KCNH1: variants seen among roughly 807,000 people sequenced by gnomAD.
KCNH1 encodes the protein voltage-gated delayed rectifier potassium channel KCNH1.
Under a neutral mutation model 69.2 loss-of-function variants are expected in KCNH1, and 27 were observed. That is an observed-to-expected ratio of 0.39 (90% CI 0.29 to 0.54). The LOEUF is 0.54. Ranked by LOEUF, KCNH1 falls within the 20% of genes least tolerant of loss-of-function variation. KCNH1 has a pLI of 0.68. For synonymous variants in KCNH1, 456 were observed against 487.7 expected (o/e 0.93, Z 0.86); for missense variants, 798 against 1,261.6 (o/e 0.63, Z 5.57).
chr1:210,793,729 C>T (rs867183708), intron 9 of KCNH1, among the ~76,000 whole-genome samples: 49 of 152,258 alleles, frequency 3.2e-4, no homozygotes, highest in African/African-American at 1.1e-3. Flanking sequence ...TGAGCTCTGG[C>T]GTTTTTTTCT....
chr1:211,079,138 A>T (rs1426853636), intron 5 of KCNH1, among the ~76,000 whole-genome samples: 1 of 152,196 alleles, frequency 6.6e-6, no homozygotes, highest in Non-Finnish European at 1.5e-5. Context: ...AGGGGTTATC[A>T]CCACCAATCC....
intron 9 of KCNH1, among the ~76,000 whole-genome samples, chr1:210,789,412 C>A (rs1227384074): frequency 6.6e-6 from 1 of 152,180 alleles, no homozygotes; most frequent in Non-Finnish European, 1.5e-5. Flanking sequence ...ATCCTCCTTT[C>A]CAAGAATGCT....
At chr1:210,911,916 T>G (rs760788773) in intron 7 of KCNH1, among the ~76,000 whole-genome samples, 3 of 152,130 alleles carry the variant, frequency 2.0e-5, no homozygotes, top group Non-Finnish European at 2.9e-5. Flanking sequence ...CCTTCCTGAT[T>G]CTTTACTCTG....
chr1:211,061,653 AG>A (rs1379336948), intron 5 of KCNH1, among the ~76,000 whole-genome samples: 1 of 152,202 alleles, frequency 6.6e-6, no homozygotes, highest in African/African-American at 2.4e-5. Context: ...ACAAAAAACC[AG>A]TAGCATTTTA....
chr1:210,997,423 T>G (rs569213736), intron 6 of KCNH1, among the ~76,000 whole-genome samples: 1 of 151,826 alleles, frequency 6.6e-6, no homozygotes. Flanking sequence ...TGATGGAAGA[T>G]GAAATGAATG....
intron 6 of KCNH1, among the ~76,000 whole-genome samples, chr1:210,922,065 G>A (rs1170419767): frequency 1.3e-5 from 2 of 151,998 alleles, no homozygotes; most frequent in Non-Finnish European, 2.9e-5. Context: ...GATGGAAGAG[G>A]TGAGATTTAT....
intron 10 of KCNH1, among the ~76,000 whole-genome samples, chr1:210,687,899 G>T (rs1278526800): frequency 6.6e-6 from 1 of 152,136 alleles, no homozygotes; most frequent in Non-Finnish European, 1.5e-5. Flanking sequence ...TCCTGGGAAC[G>T]ATGGGCATGA....
At chr1:210,937,960 TA>T (rs1323941834) in intron 6 of KCNH1, among the ~76,000 whole-genome samples, 2 of 152,250 alleles carry the variant, frequency 1.3e-5, no homozygotes, top group Non-Finnish European at 2.9e-5. Context: ...AACCACCATC[TA>T]TTCACTAATG....
At chr1:210,870,331 A>G (rs1686211951) in intron 7 of KCNH1, among the ~76,000 whole-genome samples, 1 of 152,102 alleles carries the variant, frequency 6.6e-6, no homozygotes, top group Non-Finnish European at 1.5e-5. Context: ...TCCACCACTA[A>G]TACTGTCTCA....
rs185044238 is a variant in KCNH1 at position 211,057,445 on chromosome 1, G to C, written c.558+25335C>G. 5.8e-4 allele frequency among the ~76,000 whole-genome samples: 88 copies of C among 152,202 alleles called. 2 individuals carry two copies. In the East Asian group the frequency reaches 0.017, roughly 29 times the overall value. On this transcript the variant is annotated intron_variant, in intron 5 of 10. Coordinates refer to ENST00000271751, the MANE Select transcript of KCNH1 (RefSeq NM_172362.3). ...GAGCCCAGGAGTTCGAGACCAGCCT[G>C]GGCAACATGCAAAACCCCATCTCTA...
At chr1:210,689,483 A>T (rs1681482833) in intron 10 of KCNH1, among the ~76,000 whole-genome samples, 1 of 152,240 alleles carries the variant, frequency 6.6e-6, no homozygotes, top group Non-Finnish European at 1.5e-5. Flanking sequence ...AAGTGGGAGC[A>T]CATTTACTTA....
chr1:211,074,245 A>G (rs1690695500), intron 5 of KCNH1, among the ~76,000 whole-genome samples: 1 of 151,886 alleles, frequency 6.6e-6, no homozygotes. Flanking sequence ...GAAAACATAG[A>G]TCAGATTAAA....
chr1:210,954,747 G>C (rs2102349531), intron 6 of KCNH1, among the ~76,000 whole-genome samples: 1 of 151,922 alleles, frequency 6.6e-6, no homozygotes, highest in South Asian at 2.1e-4. Flanking sequence ...CTTTTTGATG[G>C]GGTTGTTTTT....
intron 5 of KCNH1, among the ~76,000 whole-genome samples, chr1:211,056,925 G>A (rs1690319772): frequency 6.6e-6 from 1 of 152,098 alleles, no homozygotes; most frequent in Admixed American, 6.6e-5. Flanking sequence ...TCCCAAGAAA[G>A]ATGGGTTCAA....
At chr1:210,987,777 G>T (rs1688868733) in intron 6 of KCNH1, among the ~76,000 whole-genome samples, 1 of 152,194 alleles carries the variant, frequency 6.6e-6, no homozygotes, top group Admixed American at 6.5e-5. Flanking sequence ...ATCTCAAGCT[G>T]CATGCTGGGA....
At chr1:211,024,118 A>G (rs1363415686) in intron 5 of KCNH1, among the ~76,000 whole-genome samples, 2 of 152,198 alleles carry the variant, frequency 1.3e-5, no homozygotes, top group Non-Finnish European at 2.9e-5. Flanking sequence ...TATGCCCGGA[A>G]CTGTTCTAGG....
At chr1:211,034,985 C>T (rs1369333017) in intron 5 of KCNH1, among the ~76,000 whole-genome samples, 1 of 152,134 alleles carries the variant, frequency 6.6e-6, no homozygotes, top group Non-Finnish European at 1.5e-5. Context: ...ATTTCCCATT[C>T]TGATTCTTTC....
intron 6 of KCNH1, among the ~76,000 whole-genome samples, chr1:210,978,239 C>T (rs1688650297): frequency 2.0e-5 from 3 of 152,072 alleles, no homozygotes; most frequent in Non-Finnish European, 4.4e-5. Flanking sequence ...AGGGTTTCAC[C>T]ATGTTAGCCA....
chr1:210,704,678 C>T (rs1043141759), intron 10 of KCNH1, among the ~76,000 whole-genome samples: 4 of 152,146 alleles, frequency 2.6e-5, no homozygotes, highest in African/African-American at 9.7e-5. Context: ...TCTTCCAAAC[C>T]CAAATGCTAT....
Sources: gnomAD v4.1 joint callset for allele counts (sites outside exome capture counted in the v4.1 genomes callset) on GRCh38, gnomAD v4.1.1 for gene constraint, MANE v1.5 for transcripts, NCBI Gene and HGNC (gene_info 2026-07-23, HGNC 2026-07-21) for gene names.